The following ZBTB20 variants were observed in gnomAD, a reference collection of about 807,000 sequenced individuals.
ZBTB20 encodes the protein zinc finger and BTB domain containing 20, also known as zinc finger and BTB domain-containing protein 20.
A neutral mutation model predicts 56.9 loss-of-function variants in ZBTB20; 9 were observed. The ratio of observed to expected loss-of-function variants is 0.16; its 90% CI spans 0.10 to 0.28. The LOEUF (loss-of-function observed/expected upper bound fraction) is 0.28. Ranked by LOEUF, ZBTB20 falls within the 10% of genes least tolerant of loss-of-function variation. The pLI is 1.00. For synonymous variants in ZBTB20, 417 were observed against 420.7 expected, an observed-to-expected ratio of 0.99 and a Z score of 0.11; for missense variants, 655 against 1,003.0, an observed-to-expected ratio of 0.65 and a Z score of 4.69.
chr3:114,927,629 T>C (rs1353118243), intron 3 of ZBTB20, among the ~76,000 whole-genome samples: 1 of 152,176 alleles, frequency 6.6e-6, no homozygotes, highest in African/African-American at 2.4e-5. Flanking sequence ...GCATACCACA[T>C]CTCAAAGATT....
chr3:114,815,988 G>C (rs1490445305), intron 4 of ZBTB20, among the ~76,000 whole-genome samples: 2 of 152,040 alleles, frequency 1.3e-5, no homozygotes, highest in African/African-American at 4.8e-5. Flanking sequence ...CGCCTATAAA[G>C]GTAAAGTGCC....
At chr3:114,899,475 T>A (rs192865389) in intron 4 of ZBTB20, among the ~76,000 whole-genome samples, 10 of 152,206 alleles carry the variant, frequency 6.6e-5, no homozygotes, top group Non-Finnish European at 2.9e-5. Context: ...CTCTCCCAGA[T>A]ATTCTTTCGA....
chr3:114,616,113 C>T (rs934817585), intron 6 of ZBTB20, among the ~76,000 whole-genome samples: 1 of 152,222 alleles, frequency 6.6e-6, no homozygotes, highest in African/African-American at 2.4e-5. Context: ...TTTCAGTGAA[C>T]ACAGACGCAT....
chr3:114,586,562 C>T (rs769109573), intron 6 of ZBTB20, among the ~76,000 whole-genome samples: 1 of 152,182 alleles, frequency 6.6e-6, no homozygotes, highest in Non-Finnish European at 1.5e-5. Flanking sequence ...TGACTTCTCT[C>T]TATACCTTGT....
At chr3:114,677,442 G>T (rs1031451961) in intron 6 of ZBTB20, among the ~76,000 whole-genome samples, 8 of 152,212 alleles carry the variant, frequency 5.3e-5, no homozygotes, top group Admixed American at 1.3e-4. Context: ...AGCAGCATTA[G>T]ATTCTCATTG....
At chr3:114,459,647 A>T (rs1057362384) in intron 7 of ZBTB20, among the ~76,000 whole-genome samples, 3 of 151,928 alleles carry the variant, frequency 2.0e-5, no homozygotes, top group Non-Finnish European at 4.4e-5. Context: ...GTAAATACAA[A>T]TTTTTCTCTC....
At chr3:114,542,689 C>T (rs1243684393) in intron 6 of ZBTB20, among the ~76,000 whole-genome samples, 1 of 152,180 alleles carries the variant, frequency 6.6e-6, no homozygotes, top group Non-Finnish European at 1.5e-5. Flanking sequence ...GACTGCTACA[C>T]AAAAGATACA....
chr3:114,907,458 A>T (rs899631807), intron 3 of ZBTB20, among the ~76,000 whole-genome samples: 1 of 151,868 alleles, frequency 6.6e-6, no homozygotes, highest in Non-Finnish European at 1.5e-5. Context: ...ATATTCAGAC[A>T]GAACAAGTCT....
chr3:114,482,514 A>T (rs1168203388), intron 7 of ZBTB20, among the ~76,000 whole-genome samples: 1 of 152,024 alleles, frequency 6.6e-6, no homozygotes. Context: ...CAAACTGTAG[A>T]TTTTCTGAAT....
chr3:114,792,764 T>C (rs897706707), intron 5 of ZBTB20, among the ~76,000 whole-genome samples: 2 of 152,218 alleles, frequency 1.3e-5, no homozygotes, highest in Non-Finnish European at 2.9e-5. Flanking sequence ...CATCTCTCTG[T>C]CCTGGTTTTA....
chr3:114,713,272 G>A (rs1413655776), intron 5 of ZBTB20, among the ~76,000 whole-genome samples: 3 of 152,050 alleles, frequency 2.0e-5, no homozygotes, highest in African/African-American at 7.2e-5. Context: ...CAATGCAGAT[G>A]GGTCTCAATT....
intron 1 of ZBTB20, among the ~76,000 whole-genome samples, chr3:115,139,592 T>C (rs2084752865): frequency 6.6e-6 from 1 of 152,070 alleles, no homozygotes; most frequent in Non-Finnish European, 1.5e-5. Flanking sequence ...AAGATCTGCA[T>C]GGAGGTGGTT....
At chr3:114,848,323 C>CA (rs2074819334) in intron 4 of ZBTB20, among the ~76,000 whole-genome samples, 1 of 152,094 alleles carries the variant, frequency 6.6e-6, no homozygotes, top group Admixed American at 6.5e-5. Flanking sequence ...AGGCTGCCAA[C>CA]AAACAGGGCC....
intron 6 of ZBTB20, among the ~76,000 whole-genome samples, chr3:114,662,559 A>G (rs2060798822): frequency 4.2e-5 from 6 of 142,786 alleles, no homozygotes; most frequent in Non-Finnish European, 7.6e-5. Flanking sequence ...CATCCTCTCC[A>G]GCACCTGTTG....
intron 7 of ZBTB20, chr3:114,453,486 A>G (rs1005441996): frequency 2.6e-5 from 4 of 152,202 alleles, no homozygotes; most frequent in Non-Finnish European, 5.9e-5. Flanking sequence ...CCCAAATTCC[A>G]TAATTAACTT....
chr3:114,763,338 C>T (rs1363311215), intron 5 of ZBTB20, among the ~76,000 whole-genome samples: 1 of 152,074 alleles, frequency 6.6e-6, no homozygotes, highest in East Asian at 1.9e-4. Context: ...AGAAGAAGTC[C>T]AAGATTGTAT....
chr3:115,075,995 GA>G (rs563985921), intron 1 of ZBTB20, among the ~76,000 whole-genome samples: 2 of 151,432 alleles, frequency 1.3e-5, no homozygotes, highest in Admixed American at 6.6e-5. Context: ...GGAACCATCT[GA>G]AAAAAAATTG....
intron 5 of ZBTB20, among the ~76,000 whole-genome samples, chr3:114,753,324 C>CATTGTATATA (rs756251155): frequency 0.25 from 28,918 of 116,868 alleles, 13,506 homozygotes; most frequent in Admixed American, 0.4. Flanking sequence ...TATATGTATA[C>CATTGTATATA]CTGTATATAT....
At chr3:115,043,609 A>G (rs1189880534) in intron 2 of ZBTB20, among the ~76,000 whole-genome samples, 1 of 147,758 alleles carries the variant, frequency 6.8e-6, no homozygotes, top group African/African-American at 2.5e-5. Flanking sequence ...AATAAAATAA[A>G]ATAAAATAAA....
Sources: gnomAD v4.1 joint callset for allele counts (sites outside exome capture counted in the v4.1 genomes callset) on GRCh38, gnomAD v4.1.1 for gene constraint, MANE v1.5 for transcripts, NCBI Gene and HGNC (gene_info 2026-07-23, HGNC 2026-07-21) for gene names.